Variants in GSG1L observed in about 807,000 individuals in gnomAD.
GSG1L encodes the protein GSG1 like.
Under a neutral mutation model 42.1 loss-of-function variants are expected in GSG1L, and 24 were observed. The ratio of observed to expected loss-of-function variants is 0.57; its 90% CI spans 0.41 to 0.80. The LOEUF (loss-of-function observed/expected upper bound fraction) is 0.80. GSG1L is among the 30% of genes least tolerant of loss of function. The pLI is 0.00. For missense variants in GSG1L, 445 were observed against 472.2 expected, an observed-to-expected ratio of 0.94 and a Z score of 0.53; for synonymous variants, 215 against 203.5, an observed-to-expected ratio of 1.06 and a Z score of -0.48.
intron 2 of GSG1L, among the ~76,000 whole-genome samples, chr16:27,911,266 G>GCTCGCTCTCTCTCTCTCTCTCTCTCT (rs568864667): frequency 9.8e-5 from 12 of 122,152 alleles, no homozygotes; most frequent in African/African-American, 3.8e-4. Context: ...CCTCTCTCTC[G>GCTCGCTCTCTCTCTCTCTCTCTCTCT]CTCTCTCTCT....
At position 27,868,069 on chromosome 16, in the gene GSG1L, C is replaced by T. The variant is rs575378419; in HGVS notation, c.550+16417G>A. ...AAAATTCTTACCTCTTCCCACCTCC[C>T]TAAAGCCCAATTTCTACTTGGCCCT... On this transcript the variant is annotated intron_variant, in intron 3 of 6. Transcript: ENST00000447459. Among the ~76,000 whole-genome samples the T allele has an allele frequency of 2.6e-5, 4 of 152,326 alleles. No homozygotes were observed. The South Asian group carries it at 8.3e-4, about 32-fold the overall frequency.
rs577853310 is a variant in GSG1L at position 27,875,663 on chromosome 16, G to A, written c.550+8823C>T. Among the ~76,000 whole-genome samples the A allele has an allele frequency of 2.6e-5, 4 of 152,296 alleles. No individual in the cohort carries two copies. The East Asian group carries it at 5.8e-4, about 22-fold the overall frequency. ...GGTCCATGACTGAGCCCACATCATGGACGTGCCAACAGACCCAACCAAACC... is the reference window on the plus strand; with the variant it reads ...GGTCCATGACTGAGCCCACATCATGAACGTGCCAACAGACCCAACCAAACC... On this transcript the variant is annotated intron_variant, in intron 3 of 6. Coordinates refer to ENST00000447459, the MANE Select transcript of GSG1L (RefSeq NM_001109763.2).
chr16:27,988,152 A>C (rs2085409743), intron 1 of GSG1L, among the ~76,000 whole-genome samples: 1 of 152,068 alleles, frequency 6.6e-6, no homozygotes, highest in African/African-American at 2.4e-5. Flanking sequence ...TCTGTTAATA[A>C]ACAAAAAATT....
chr16:28,029,889 C>T (rs189484474), intron 1 of GSG1L, among the ~76,000 whole-genome samples: 66 of 152,212 alleles, frequency 4.3e-4, no homozygotes, highest in East Asian at 7.7e-4. Flanking sequence ...TGTGCATGCA[C>T]GCACATGTGG....
intron 4 of GSG1L, among the ~76,000 whole-genome samples, chr16:27,840,424 C>T (rs78804480): frequency 0.089 from 13,533 of 152,086 alleles, 671 homozygotes; most frequent in African/African-American, 0.13. Context: ...TTGGTCCCTG[C>T]CACGTTAAGC....
chr16:27,979,743 AAGAAAGG>A (rs1567543028), intron 1 of GSG1L, among the ~76,000 whole-genome samples: 2 of 83,240 alleles, frequency 2.4e-5, no homozygotes, highest in East Asian at 2.9e-4. Context: ...AAAAGAAAGA[AAGAAAGG>A]AAAGAAAGAA....
At chr16:28,005,367 G>T (rs951670589) in intron 1 of GSG1L, among the ~76,000 whole-genome samples, 1 of 152,072 alleles carries the variant, frequency 6.6e-6, no homozygotes, top group Non-Finnish European at 1.5e-5. Context: ...GCCCTCCTCC[G>T]CCTCCCAAAG....
In GSG1L at chr16:27,980,038, C is replaced by T. The variant is rs143458114; in HGVS notation, c.350-16835G>A. On this transcript the variant is annotated intron_variant, in intron 1 of 6. Coordinates refer to ENST00000447459, the MANE Select transcript of GSG1L (RefSeq NM_001109763.2). ...CATGTCACTCCTCCCAAGGAGAGCCCGGGCGTCTTCCCAAGCCAGAAGCAG... is the reference window on the plus strand; with the variant it reads ...CATGTCACTCCTCCCAAGGAGAGCCTGGGCGTCTTCCCAAGCCAGAAGCAG... 5.4e-3 allele frequency among the ~76,000 whole-genome samples: 829 copies of T among 152,194 alleles called. 6 individuals are homozygous for T. Among genetic ancestry groups the T allele is most frequent in the African/African-American group, 0.019 (769 of 41,520 alleles).
chr16:28,040,099 G>A lies in GSG1L; in HGVS notation c.349+22977C>T, dbSNP rs1426488119. ...CCTTTCTTCCTGCAAAACAATGGCTGAGCCCGTCACCCTTCTCCACACCCA... is the reference window on the plus strand; with the variant it reads ...CCTTTCTTCCTGCAAAACAATGGCTAAGCCCGTCACCCTTCTCCACACCCA... On this transcript the variant is annotated intron_variant, in intron 1 of 6. Transcript: ENST00000447459. The surrounding 1 kb of genome is among the most constrained non-coding windows in gnomAD (Gnocchi z 4.1). Among the ~76,000 whole-genome samples, 1 of 151,996 alleles carries A rather than the reference G, an allele frequency of 6.6e-6. No homozygotes were observed. The highest frequency in any genetic ancestry group is 2.4e-5 in the African/African-American group (1 of 41,376).
intron 1 of GSG1L, among the ~76,000 whole-genome samples, chr16:28,032,549 G>A (rs1392983912): frequency 2.0e-5 from 3 of 152,182 alleles, no homozygotes; most frequent in Admixed American, 6.5e-5. Flanking sequence ...GATGTATTTT[G>A]TTCTCTCCCT....
chr16:28,032,280 A>G (rs1022748706), intron 1 of GSG1L, among the ~76,000 whole-genome samples: 3 of 152,216 alleles, frequency 2.0e-5, no homozygotes, highest in Non-Finnish European at 4.4e-5. Context: ...CAAGTAAGAA[A>G]GCCTCTAGGA....
At chr16:27,834,572 T>TTTTATTTATAAACTA (rs2083303729) in intron 4 of GSG1L, among the ~76,000 whole-genome samples, 1 of 152,168 alleles carries the variant, frequency 6.6e-6, no homozygotes, top group Admixed American at 6.5e-5. Flanking sequence ...TTTTGAAAGT[T>TTTTATTTATAAACTA]TTTATTTATA....
At chr16:27,895,049 C>T (rs1034720070) in intron 2 of GSG1L, among the ~76,000 whole-genome samples, 4 of 152,160 alleles carry the variant, frequency 2.6e-5, no homozygotes, top group Non-Finnish European at 4.4e-5. Context: ...GGTCCCTTTG[C>T]TGCTGTGAGC....
chr16:28,039,502 A>G (rs1283622541), intron 1 of GSG1L, among the ~76,000 whole-genome samples: 1 of 152,056 alleles, frequency 6.6e-6, no homozygotes, highest in Non-Finnish European at 1.5e-5. Context: ...AAAGTTGAGA[A>G]TCCCTCAGCA....
intron 3 of GSG1L, among the ~76,000 whole-genome samples, chr16:27,866,055 T>C (rs1212346884): frequency 6.6e-6 from 1 of 152,082 alleles, no homozygotes; most frequent in Non-Finnish European, 1.5e-5. Context: ...TAGTTCTGCC[T>C]TCCTGTGTAT....
chr16:27,909,859 A>G (rs1425262542), intron 2 of GSG1L, among the ~76,000 whole-genome samples: 1 of 151,676 alleles, frequency 6.6e-6, no homozygotes, highest in Non-Finnish European at 1.5e-5. Flanking sequence ...GAGAAGTTTC[A>G]CAGTCCCATT....
At chr16:27,891,201 TC>T (rs1252425821) in intron 2 of GSG1L, among the ~76,000 whole-genome samples, 3 of 152,176 alleles carry the variant, frequency 2.0e-5, no homozygotes, top group African/African-American at 7.2e-5. Flanking sequence ...CATTCCTGTT[TC>T]CCACCAGGGG....
At chr16:27,864,604 T>A (rs148261776) in intron 3 of GSG1L, among the ~76,000 whole-genome samples, 1 of 152,320 alleles carries the variant, frequency 6.6e-6, no homozygotes, top group South Asian at 2.1e-4. Flanking sequence ...AGAGATGACA[T>A]TACAGAATGA....
At chr16:27,899,168 G>A (rs943992767) in intron 2 of GSG1L, among the ~76,000 whole-genome samples, 1 of 152,242 alleles carries the variant, frequency 6.6e-6, no homozygotes, top group South Asian at 2.1e-4. Flanking sequence ...TGCTACCCTT[G>A]AAAACACATC....
Sources: allele counts gnomAD v4.1 joint callset (sites outside exome capture counted in the v4.1 genomes callset), GRCh38; gene constraint gnomAD v4.1.1; non-coding constraint Gnocchi (gnomAD v3.1); transcripts MANE v1.5; gene names NCBI Gene and HGNC (gene_info 2026-07-23, HGNC 2026-07-21).